The following RGS20 variants were observed in gnomAD, a reference collection of about 807,000 sequenced individuals.
The protein encoded by RGS20 is gz-selective GTPase-activating protein.
In RGS20, 30 loss-of-function variants were observed where a neutral mutation model predicts 33.6. That is an observed-to-expected ratio of 0.89 (90% CI 0.67 to 1.21). RGS20 has a LOEUF of 1.21. Among genes scored for constraint, RGS20 ranks in the 50% most tolerant of loss-of-function variants. The pLI is 0.00. For missense variants in RGS20, 472 were observed against 502.4 expected (o/e 0.94, Z 0.58); for synonymous variants, 208 against 197.9 (o/e 1.05, Z -0.43).
At chr8:53,907,200 G>A (rs948950466) in intron 2 of RGS20, among the ~76,000 whole-genome samples, 2 of 152,152 alleles carry the variant, frequency 1.3e-5, no homozygotes, top group Non-Finnish European at 2.9e-5. Flanking sequence ...AGATAACAAA[G>A]CATGCAGATT....
chr8:53,866,999 C>T (rs576138190), intron 1 of RGS20, among the ~76,000 whole-genome samples: 5 of 152,046 alleles, frequency 3.3e-5, no homozygotes, highest in Admixed American at 1.3e-4. Context: ...AACGTAGGCT[C>T]GGCTAGAAGC....
chr8:53,900,712 C>T (rs1325978557), intron 2 of RGS20, among the ~76,000 whole-genome samples: 1 of 152,048 alleles, frequency 6.6e-6, no homozygotes, highest in Admixed American at 6.6e-5. Context: ...TAATTTGGTC[C>T]AGGCCTCACA....
At chr8:53,858,961 GA>G (rs950652417) in intron 1 of RGS20, among the ~76,000 whole-genome samples, 3 of 151,382 alleles carry the variant, frequency 2.0e-5, no homozygotes, top group African/African-American at 7.3e-5. Flanking sequence ...AGGGTTTTCA[GA>G]AGAGAGATGT....
chr8:53,958,694 A>C lies in RGS20; in HGVS notation c.*236A>C, dbSNP rs1814949635. 1 of 227,132 alleles carries C rather than the reference A, an allele frequency of 4.4e-6. No homozygotes were observed. The highest frequency in any genetic ancestry group is 5.6e-5 in the Admixed American group (1 of 17,842). The allele number at this position is 227,132 out of a possible 1,614,324, so 14.1% of individuals were successfully genotyped here. On this transcript the variant is annotated 3_prime_UTR_variant, in exon 6 of 6. Coordinates refer to ENST00000297313, the MANE Select transcript of RGS20 (RefSeq NM_170587.4). Reference sequence around the variant, plus strand: ...TATGGCTGTTGTAGAAAGATAGCGTATTTGCATTTACAATAACAGTAGCAT... The same window carrying C: ...TATGGCTGTTGTAGAAAGATAGCGTCTTTGCATTTACAATAACAGTAGCAT...
At position 53,946,750 on chromosome 8, in the gene RGS20, T is replaced by A; in HGVS notation, c.743+2T>A. The A allele has an allele frequency of 6.2e-7, 1 of 1,611,908 alleles. No homozygotes were observed. The highest frequency in any genetic ancestry group is 8.5e-7 in the Non-Finnish European group (1 of 1,178,844). ...AGATCTTCCAACCTGGGAAGAAAGG[T>A]GAAATCACACGTTTTTTTTACCTCA... On this transcript the variant is annotated splice_donor_variant, in intron 4 of 5. Transcript: ENST00000297313. LOFTEE classifies it high-confidence loss of function.
At chr8:53,878,677 C>T (rs1485553793) in intron 1 of RGS20, among the ~76,000 whole-genome samples, 2 of 151,852 alleles carry the variant, frequency 1.3e-5, no homozygotes, top group Admixed American at 1.3e-4. Context: ...TGAGGCCCTT[C>T]AGCCACCTTC....
chr8:53,880,968 G>A lies in RGS20; in HGVS notation c.510+1366G>A, dbSNP rs765552568. The A allele has an allele frequency of 8.8e-6, 14 of 1,583,390 alleles. 1 individual carries two copies. The Middle Eastern group carries it at 1.2e-3, about 135-fold the overall frequency. ...CGCGGTGAGCAATCGCCGACGTAGA[G>A]AGGGCAGCCCTCCGCGCTGCAATAT... On this transcript the variant is annotated intron_variant, in intron 2 of 5. Coordinates refer to ENST00000297313, the MANE Select transcript of RGS20 (RefSeq NM_170587.4).
At chr8:53,916,830 G>A (rs986777731) in intron 2 of RGS20, among the ~76,000 whole-genome samples, 1 of 152,190 alleles carries the variant, frequency 6.6e-6, no homozygotes, top group African/African-American at 2.4e-5. Flanking sequence ...GCAGATAGGT[G>A]TCTGGTGAGG....
At chr8:53,957,925 TA>T (rs1814919781) in intron 5 of RGS20, among the ~76,000 whole-genome samples, 1 of 152,236 alleles carries the variant, frequency 6.6e-6, no homozygotes, top group African/African-American at 2.4e-5. Flanking sequence ...GGCGGGCGGA[TA>T]ACCTGAGGTC....
At chr8:53,936,234 G>A (rs1246964279) in intron 2 of RGS20, among the ~76,000 whole-genome samples, 2 of 152,142 alleles carry the variant, frequency 1.3e-5, no homozygotes, top group Non-Finnish European at 2.9e-5. Context: ...ACATAGTATT[G>A]GAAGTTCTGG....
At chr8:53,948,267 A>C (rs1270252915) in intron 4 of RGS20, among the ~76,000 whole-genome samples, 1 of 139,626 alleles carries the variant, frequency 7.2e-6, no homozygotes, top group African/African-American at 2.6e-5. Context: ...TACTATATGT[A>C]AGTTATAGTA....
At chr8:53,892,470 T>G (rs1051361534) in intron 2 of RGS20, among the ~76,000 whole-genome samples, 1 of 152,238 alleles carries the variant, frequency 6.6e-6, no homozygotes, top group Non-Finnish European at 1.5e-5. Context: ...AAATACCATT[T>G]GACCCAGCCA....
chr8:53,873,668 A>G (rs1204720230), intron 1 of RGS20, among the ~76,000 whole-genome samples: 1 of 152,204 alleles, frequency 6.6e-6, no homozygotes, highest in African/African-American at 2.4e-5. Context: ...ACTTTTCTAG[A>G]TTCTATGGAG....
At chr8:53,857,900 A>C (rs1242659914) in intron 1 of RGS20, among the ~76,000 whole-genome samples, 1 of 149,644 alleles carries the variant, frequency 6.7e-6, no homozygotes, top group Non-Finnish European at 1.5e-5. Context: ...GTCTCATCAC[A>C]AAAAAAAAAT....
At chr8:53,934,192 T>C (rs1814061053) in intron 2 of RGS20, among the ~76,000 whole-genome samples, 1 of 152,152 alleles carries the variant, frequency 6.6e-6, no homozygotes, top group Non-Finnish European at 1.5e-5. Context: ...ATGAAGAAAC[T>C]GCATCAACTA....
In RGS20 at chr8:53,904,283, CACCA is replaced by C. The variant is rs1813107439; in HGVS notation, c.510+24682_510+24685del. On this transcript the variant is annotated intron_variant, in intron 2 of 5. Transcript: ENST00000297313. ...AGTAGCTGGGATTACAGGTGCCTGC[CACCA>C]CACTTGGCTAATTTTTATATTTTTA... Among the ~76,000 whole-genome samples the C allele has an allele frequency of 2.6e-5, 4 of 152,180 alleles. No individual in the cohort carries two copies. The South Asian group carries it at 6.2e-4, about 24-fold the overall frequency.
chr8:53,908,532 C>T (rs556564741), intron 2 of RGS20, among the ~76,000 whole-genome samples: 1 of 151,996 alleles, frequency 6.6e-6, no homozygotes, highest in South Asian at 2.1e-4. Context: ...CCCAGCTACT[C>T]GGGAGGCTGA....
chr8:53,933,024 C>T (rs76153438), intron 2 of RGS20, among the ~76,000 whole-genome samples: 1 of 152,120 alleles, frequency 6.6e-6, no homozygotes, highest in Non-Finnish European at 1.5e-5. Context: ...GCAGAGGGGC[C>T]TGTTAGAAGG....
intron 1 of RGS20, among the ~76,000 whole-genome samples, chr8:53,872,012 T>C (rs1812080791): frequency 6.6e-6 from 1 of 152,176 alleles, no homozygotes; most frequent in African/African-American, 2.4e-5. Flanking sequence ...CTCATAGGCA[T>C]CTCAAAAATC....
Sources: gnomAD v4.1 joint callset for allele counts (sites outside exome capture counted in the v4.1 genomes callset) on GRCh38, gnomAD v4.1.1 for gene constraint, MANE v1.5 for transcripts, NCBI Gene and HGNC (gene_info 2026-07-23, HGNC 2026-07-21) for gene names.